Variants in SCD5 observed in about 807,000 individuals in gnomAD.
The protein encoded by SCD5 is acyl-CoA-desaturase 4.
A neutral mutation model predicts 30.4 loss-of-function variants in SCD5; 20 were observed. That is an observed-to-expected ratio of 0.66 (90% confidence interval 0.46 to 0.96). The LOEUF is 0.96. Among genes scored for constraint, SCD5 ranks in the 40% least tolerant of loss-of-function variants. The probability of loss-of-function intolerance (pLI) is 0.00; values close to 1 mark genes in which losing one functional copy is unlikely to be tolerated. For missense variants in SCD5, 381 were observed against 443.3 expected (o/e 0.86, Z 1.26); for synonymous variants, 173 against 176.4 (o/e 0.98, Z 0.16).
chr4:82,741,963 C>T (rs754892109), intron 1 of SCD5, among the ~76,000 whole-genome samples: 2 of 151,630 alleles, frequency 1.3e-5, no homozygotes, highest in African/African-American at 4.9e-5. Flanking sequence ...GCCTGTAGTC[C>T]CAGCGACTCA....
At chr4:82,728,087 G>C (rs1720546273) in intron 1 of SCD5, among the ~76,000 whole-genome samples, 1 of 151,832 alleles carries the variant, frequency 6.6e-6, no homozygotes, top group African/African-American at 2.4e-5. Context: ...TTAGTCTATA[G>C]GTTAGCCTGG....
intron 1 of SCD5, among the ~76,000 whole-genome samples, chr4:82,708,483 G>C (rs1167292210): frequency 1.3e-5 from 2 of 152,114 alleles, no homozygotes; most frequent in Non-Finnish European, 2.9e-5. Context: ...AAGAGCCTCT[G>C]TTTGACCCTA....
At chr4:82,749,279 C>G (rs1476185527) in intron 1 of SCD5, among the ~76,000 whole-genome samples, 1 of 152,136 alleles carries the variant, frequency 6.6e-6, no homozygotes, top group Non-Finnish European at 1.5e-5. Flanking sequence ...TTCAGAAAGT[C>G]TATTTATTCA....
rs541436628 is a variant in SCD5, at chr4:82,665,641, A to G, written c.569+15066T>C. 4.9e-4 allele frequency among the ~76,000 whole-genome samples: 74 copies of G among 152,296 alleles called. 1 individual carries two copies. The highest frequency in any genetic ancestry group is 1.7e-3 in the African/African-American group (71 of 41,582). On this transcript the variant is annotated intron_variant, in intron 3 of 4. Coordinates refer to ENST00000319540, the MANE Select transcript of SCD5 (RefSeq NM_001037582.3). ...GAAGGTAAAATAAAGACCTTCAGAC[A>G]AACAAAAGCTGAGAATTTATTGCCC... is the stretch of plus-strand genomic sequence containing the variant.
chr4:82,727,815 C>T (rs1720539591), intron 1 of SCD5, among the ~76,000 whole-genome samples: 1 of 152,234 alleles, frequency 6.6e-6, no homozygotes, highest in African/African-American at 2.4e-5. Flanking sequence ...TCAAGCGATT[C>T]TCATGCCTCA....
At chr4:82,683,002 G>A (rs1276464124) in intron 2 of SCD5, among the ~76,000 whole-genome samples, 1 of 152,180 alleles carries the variant, frequency 6.6e-6, no homozygotes, top group Non-Finnish European at 1.5e-5. Flanking sequence ...TTTTAGTGGA[G>A]ATGGGATTTC....
intron 2 of SCD5, among the ~76,000 whole-genome samples, chr4:82,703,175 T>C (rs1719892646): frequency 6.6e-6 from 1 of 152,242 alleles, no homozygotes; most frequent in Non-Finnish European, 1.5e-5. Flanking sequence ...TAAGTATTCG[T>C]TGAATGAATT....
chr4:82,798,672 C>T lies in SCD5; in HGVS notation c.-135G>A. 2.7e-6 allele frequency: 2 copies of T among 752,156 alleles called. No individual in the cohort carries two copies. Among genetic ancestry groups the T allele is most frequent in the South Asian group, 1.9e-5 (1 of 51,898 alleles). 46.6% of individuals were successfully genotyped at this position (752,156 alleles called of 1,614,324 possible). On this transcript the variant is annotated 5_prime_UTR_variant, in exon 1 of 5. Coordinates refer to ENST00000319540, the MANE Select transcript of SCD5 (RefSeq NM_001037582.3). The stretch of plus-strand genomic sequence containing the variant: ...CACGTCCAGTCCCCTCCTTCCAGCC[C>T]TTCTCCCGGGCTCCTGCGCTCTTCC...
At chr4:82,740,537 T>A (rs1206777484) in intron 1 of SCD5, among the ~76,000 whole-genome samples, 1 of 152,212 alleles carries the variant, frequency 6.6e-6, no homozygotes, top group Non-Finnish European at 1.5e-5. Flanking sequence ...GAGGGTATCA[T>A]TCATCCAACT....
chr4:82,785,417 C>T (rs766599664), intron 1 of SCD5, among the ~76,000 whole-genome samples: 1 of 152,182 alleles, frequency 6.6e-6, no homozygotes, highest in Admixed American at 6.5e-5. Flanking sequence ...TACTAACCAC[C>T]CTTTATCAAT....
chr4:82,787,927 C>T (rs968606301), intron 1 of SCD5, among the ~76,000 whole-genome samples: 1 of 152,116 alleles, frequency 6.6e-6, no homozygotes, highest in Non-Finnish European at 1.5e-5. Context: ...GTCCTAGCTA[C>T]TTGGGAGGCT....
chr4:82,757,788 T>C (rs1355737896), intron 1 of SCD5, among the ~76,000 whole-genome samples: 1 of 152,234 alleles, frequency 6.6e-6, no homozygotes, highest in Non-Finnish European at 1.5e-5. Flanking sequence ...GTCCTTAGCT[T>C]TGTACCTGGA....
At chr4:82,748,231 G>A (rs1721034580) in intron 1 of SCD5, among the ~76,000 whole-genome samples, 2 of 152,056 alleles carry the variant, frequency 1.3e-5, no homozygotes, top group South Asian at 2.1e-4. Flanking sequence ...CGATGAAAAG[G>A]GCCCATCCAT....
At chr4:82,749,436 A>G (rs574471141) in intron 1 of SCD5, among the ~76,000 whole-genome samples, 8 of 152,296 alleles carry the variant, frequency 5.3e-5, no homozygotes, top group African/African-American at 1.9e-4. Context: ...TAAAACTACA[A>G]TTTCTCCAAT....
At chr4:82,722,411 T>C (rs1720386966) in intron 1 of SCD5, among the ~76,000 whole-genome samples, 1 of 152,210 alleles carries the variant, frequency 6.6e-6, no homozygotes, top group South Asian at 2.1e-4. Flanking sequence ...GTTATGTTTT[T>C]GATAAGATGG....
At chr4:82,676,542 C>T (rs1184648800) in intron 3 of SCD5, among the ~76,000 whole-genome samples, 1 of 152,240 alleles carries the variant, frequency 6.6e-6, no homozygotes, top group Non-Finnish European at 1.5e-5. Context: ...GGCCACTCTT[C>T]AGGCCTAGGC....
At chr4:82,726,287 C>T (rs1284962786) in intron 1 of SCD5, among the ~76,000 whole-genome samples, 1 of 151,886 alleles carries the variant, frequency 6.6e-6, no homozygotes, top group Non-Finnish European at 1.5e-5. Flanking sequence ...CGTGGTGGCT[C>T]GTGCCTGTAA....
intron 1 of SCD5, among the ~76,000 whole-genome samples, chr4:82,751,783 C>T (rs1402453613): frequency 1.3e-5 from 2 of 152,160 alleles, no homozygotes; most frequent in African/African-American, 4.8e-5. Flanking sequence ...CGCGCCACTA[C>T]GCCAAGCTGA....
intron 3 of SCD5, among the ~76,000 whole-genome samples, chr4:82,668,872 C>G (rs1157084785): frequency 6.6e-6 from 1 of 152,212 alleles, no homozygotes; most frequent in Non-Finnish European, 1.5e-5. Context: ...GCTTGGATGT[C>G]TCATCATCCA....
Sources: allele counts gnomAD v4.1 joint callset (sites outside exome capture counted in the v4.1 genomes callset), GRCh38; gene constraint gnomAD v4.1.1; transcripts MANE v1.5; gene names NCBI Gene and HGNC (gene_info 2026-07-23, HGNC 2026-07-21).